SCAP: variants seen among roughly 807,000 people sequenced by gnomAD.
SCAP encodes the protein sterol regulatory element-binding protein cleavage-activating protein.
In SCAP, 65 loss-of-function variants were observed where a neutral mutation model predicts 123.6. That is an observed-to-expected ratio of 0.53 (90% CI 0.43 to 0.65). The LOEUF (loss-of-function observed/expected upper bound fraction) is 0.65. Ranked by LOEUF, SCAP falls within the 30% of genes least tolerant of loss-of-function variation. The pLI is 0.00. For missense variants in SCAP, 1,398 were observed against 1,712.5 expected (o/e 0.82, Z 3.24); for synonymous variants, 740 against 726.3 (o/e 1.02, Z -0.30).
intron 1 of SCAP, among the ~76,000 whole-genome samples, chr3:47,463,977 A>G (rs1157370588): frequency 6.6e-6 from 1 of 152,062 alleles, no homozygotes; most frequent in African/African-American, 2.4e-5. Context: ...GACTACAGGC[A>G]TGAGCCACCA....
At chr3:47,437,821 T>C (rs1332335845) in intron 2 of SCAP, among the ~76,000 whole-genome samples, 1 of 152,236 alleles carries the variant, frequency 6.6e-6, no homozygotes, top group Non-Finnish European at 1.5e-5. Flanking sequence ...TATTATCCTT[T>C]ATTGGTTTTT....
At position 47,420,826 on chromosome 3, in the gene SCAP, A is replaced by G; in HGVS notation, c.1345-54T>C. The G allele has an allele frequency of 1.3e-6, 2 of 1,502,706 alleles. No individual in the cohort carries two copies. The highest frequency in any genetic ancestry group is 1.9e-4 in the Middle Eastern group (1 of 5,332). 93.1% of individuals were successfully genotyped at this position (1,502,706 alleles called of 1,614,324 possible). ...AGTCCACCATCCAGAGGCTGCTCGC[A>G]CAGGACCGCTGTCCTGCCCGAGGTC... On this transcript the variant is annotated intron_variant, in intron 11 of 22. Transcript: ENST00000265565. The surrounding 1 kb of genome is among the most constrained non-coding windows in gnomAD (Gnocchi z 5.0).
At position 47,473,145 on chromosome 3, in the gene SCAP, T is replaced by C. The variant is rs375101973; in HGVS notation, c.-99+2654A>G. 8.1e-5 allele frequency among the ~76,000 whole-genome samples: 12 copies of C among 148,098 alleles called. No homozygotes were observed. The East Asian group carries it at 1.8e-3, about 22-fold the overall frequency. ...AAGAACAGCATAAAAGGATGGACTCTTTTGTCAGCCAAATCTCAGTTTGCA... is the reference window on the plus strand; with the variant it reads ...AAGAACAGCATAAAAGGATGGACTCCTTTGTCAGCCAAATCTCAGTTTGCA... On this transcript the variant is annotated intron_variant, in intron 1 of 22. Coordinates refer to ENST00000265565, the MANE Select transcript of SCAP (RefSeq NM_012235.4).
intron 1 of SCAP, among the ~76,000 whole-genome samples, chr3:47,455,062 CATATATATATATATAT>C (rs58460988): frequency 2.5e-4 from 32 of 127,990 alleles, no homozygotes; most frequent in African/African-American, 6.4e-4. Flanking sequence ...AAAAAAATTA[CATATATATATATATAT>C]ATATATATAT....
rs1293420967 is a variant in SCAP at position 47,413,727 on chromosome 3, G to GTT, written c.*125_*126dup. On this transcript the variant is annotated 3_prime_UTR_variant, in exon 23 of 23. Transcript: ENST00000265565. ...GATGATGATATGGTTTTTTAAAAAAGTTTAATATTATTACAGTCAGGAGGC... is the reference window on the plus strand; with the variant it reads ...GATGATGATATGGTTTTTTAAAAAAGTTTTTAATATTATTACAGTCAGGAGGC... 4.6e-6 allele frequency: 6 copies of GTT among 1,314,334 alleles called. No homozygotes were observed. The highest frequency in any genetic ancestry group is 3.0e-5 in the African/African-American group (2 of 67,790). The allele number at this position is 1,314,334 out of a possible 1,614,324, so 81.4% of individuals were successfully genotyped here. A position where few individuals can be genotyped will look rare whatever the true frequency, so the allele number is the denominator to read the frequency against.
At chr3:47,472,852 G>A (rs1034500139) in intron 1 of SCAP, among the ~76,000 whole-genome samples, 58 of 151,946 alleles carry the variant, frequency 3.8e-4, no homozygotes, top group African/African-American at 1.3e-3. Flanking sequence ...AGGCCGAGGC[G>A]GGCGGATCAC....
chr3:47,413,861 A>G lies in SCAP; in HGVS notation c.3833T>C (p.Leu1278Pro). The G allele has an allele frequency of 6.2e-7, 1 of 1,612,682 alleles. No homozygotes were observed. The highest frequency in any genetic ancestry group is 8.5e-7 in the Non-Finnish European group (1 of 1,179,844). ...GGCAAGGAGGCCCTGCGCTCAGTCC[A>G]GCTTCTCCAGCACAGAGGGCACATA... ...LVYVPSVLEK[L>P]D is the part of the protein sequence containing the mutation. Residue 1278 changes from leucine (L) to proline (P), a missense_variant, in exon 23 of 23, where the codon CTG (leucine) becomes CCG (proline). This residue lies in a region of SCAP where 130 missense variants were observed against 166.7 expected (regional missense o/e 0.78). Coordinates refer to ENST00000265565, the MANE Select transcript of SCAP (RefSeq NM_012235.4).
intron 18 of SCAP, among the ~76,000 whole-genome samples, chr3:47,416,072 A>C (rs1705556577): frequency 6.6e-6 from 1 of 152,256 alleles, no homozygotes; most frequent in Non-Finnish European, 1.5e-5. Flanking sequence ...CCACTGGCAG[A>C]AATCAACATC....
At chr3:47,474,106 A>C (rs1358548041) in intron 1 of SCAP, among the ~76,000 whole-genome samples, 1 of 152,174 alleles carries the variant, frequency 6.6e-6, no homozygotes, top group Non-Finnish European at 1.5e-5. Flanking sequence ...TCTACTAAAA[A>C]TACAAAAAAG....
rs764036113 is a variant in SCAP at position 47,414,118 on chromosome 3, C to T, written c.3595-19G>A. 1 of 1,613,486 alleles carries T rather than the reference C, an allele frequency of 6.2e-7. No individual in the cohort carries two copies. The highest frequency in any genetic ancestry group is 1.1e-5 in the South Asian group (1 of 91,088). On this transcript the variant is annotated intron_variant, in intron 22 of 22. Coordinates refer to ENST00000265565, the MANE Select transcript of SCAP (RefSeq NM_012235.4). ...CCAGGTCCTGGAGGCAAGGACATGACAAGCTCAGTCCTGAGTCCTTCCCTA... is the reference window on the plus strand; with the variant it reads ...CCAGGTCCTGGAGGCAAGGACATGATAAGCTCAGTCCTGAGTCCTTCCCTA...
At chr3:47,421,284 A>C (rs1705888876) in intron 10 of SCAP, 1 of 482,252 alleles carries the variant, frequency 2.1e-6, no homozygotes, top group East Asian at 3.9e-5. Flanking sequence ...CCTTCCCTGA[A>C]TCTTCCGGTC....
intron 1 of SCAP, among the ~76,000 whole-genome samples, chr3:47,471,526 C>CA (rs1708023528): frequency 6.6e-6 from 1 of 152,142 alleles, no homozygotes; most frequent in South Asian, 2.1e-4. Context: ...CATGCCACCA[C>CA]ACCTGGCTAA....
In SCAP at chr3:47,434,837, C is replaced by CA. The variant is rs200779259; in HGVS notation, c.252+170dup. On this transcript the variant is annotated intron_variant, in intron 3 of 22. Transcript: ENST00000265565. ...GGACAACAGGAGCAAAACTCCATCT[C>CA]AAAAAAAAATGTATAAACTAAGTAT... The CA allele has an allele frequency of 4.9e-3, 3,688 of 754,428 alleles. 16 individuals are homozygous for CA. Among genetic ancestry groups the CA allele is most frequent in the Middle Eastern group, 4.5e-3 (11 of 2,464 alleles). 46.7% of individuals were successfully genotyped at this position (754,428 alleles called of 1,614,324 possible). A position where few individuals can be genotyped will look rare whatever the true frequency, so the allele number is the denominator to read the frequency against.
At chr3:47,467,211 T>C (rs1275094745) in intron 1 of SCAP, among the ~76,000 whole-genome samples, 1 of 152,080 alleles carries the variant, frequency 6.6e-6, no homozygotes, top group Non-Finnish European at 1.5e-5. Context: ...AAGGGTTTAA[T>C]ATCCAGAATT....
chr3:47,445,938 C>G (rs1383915298), intron 1 of SCAP, among the ~76,000 whole-genome samples: 1 of 145,892 alleles, frequency 6.9e-6, no homozygotes, highest in Non-Finnish European at 1.5e-5. Flanking sequence ...TGCGGTGGTG[C>G]GATCTCAGCT....
At chr3:47,473,086 A>AAAACAAAAAAACAAAAAAAC (rs1553652442) in intron 1 of SCAP, among the ~76,000 whole-genome samples, 1 of 143,964 alleles carries the variant, frequency 6.9e-6, no homozygotes, top group African/African-American at 2.6e-5. Context: ...ATCTCAAAAA[A>AAAACAAAAAAACAAAAAAAC]AAAAAAAAAA....
At chr3:47,452,457 TCTAA>T (rs1351947562) in intron 1 of SCAP, among the ~76,000 whole-genome samples, 3 of 152,144 alleles carry the variant, frequency 2.0e-5, no homozygotes, top group East Asian at 1.9e-4. Flanking sequence ...CTTCTCAACT[TCTAA>T]CTGTGATACA....
At position 47,468,998 on chromosome 3, in the gene SCAP, T is replaced by C. The variant is rs147286381; in HGVS notation, c.-99+6801A>G. 8.2e-3 allele frequency among the ~76,000 whole-genome samples: 1,242 copies of C among 152,302 alleles called. 8 individuals are homozygous for C. The highest frequency in any genetic ancestry group is 0.013 in the Non-Finnish European group (869 of 68,026). On this transcript the variant is annotated intron_variant, in intron 1 of 22. Coordinates refer to ENST00000265565, the MANE Select transcript of SCAP (RefSeq NM_012235.4). ...AAAACATTCTGGAAATGGATAGTGA[T>C]GATGGTTGCATAACAATGTGAATAC...
At chr3:47,428,874 GA>G in intron 3 of SCAP, 3 of 531,378 alleles carry the variant, frequency 5.6e-6, no homozygotes. Flanking sequence ...CTCCGCTTAT[GA>G]GATAAAAGAA....
Sources: allele counts gnomAD v4.1 joint callset (sites outside exome capture counted in the v4.1 genomes callset), GRCh38; gene constraint gnomAD v4.1.1; regional missense constraint gnomAD v4.1.1; non-coding constraint Gnocchi (gnomAD v3.1); transcripts MANE v1.5; gene names NCBI Gene and HGNC (gene_info 2026-07-23, HGNC 2026-07-21).